The following DMAC2L variants were observed in gnomAD, a reference collection of about 807,000 sequenced individuals.
DMAC2L encodes the protein distal membrane arm assembly component 2 like.
In DMAC2L, 21 loss-of-function variants were observed where a neutral mutation model predicts 22.5. The ratio of observed to expected loss-of-function variants is 0.93; its 90% CI spans 0.66 to 1.34. DMAC2L has a LOEUF of 1.34. Ranked by LOEUF, DMAC2L falls within the 40% of genes most tolerant of loss-of-function variation. The probability of loss-of-function intolerance (pLI) is 0.00; values close to 1 mark genes in which losing one functional copy is unlikely to be tolerated. For missense variants in DMAC2L, 239 were observed against 246.5 expected, an observed-to-expected ratio of 0.97 and a Z score of 0.20; for synonymous variants, 86 against 89.5, an observed-to-expected ratio of 0.96 and a Z score of 0.22.
chr14:50,319,013 T>C, intron 2 of DMAC2L: 2 of 985,378 alleles, frequency 2.0e-6, no homozygotes, highest in Non-Finnish European at 2.4e-6. Flanking sequence ...ATAAACATTT[T>C]TTGAGCGAAT....
chr14:50,322,525 G>A lies in DMAC2L; in HGVS notation c.122G>A (p.Arg41His), dbSNP rs755906483. ...NAVFNKVDYD[R>H]IRDVGPDRAA... The stretch of plus-strand genomic sequence containing the variant: ...CTTGCCAACAGGGTGGATTATGATC[G>A]CATCAGGGATGTTGGCCCTGACAGG... Residue 41 changes from arginine to histidine, a missense_variant, in exon 4 of 6, where the codon CGC becomes CAC. Physicochemically the swap from Arg to His is conservative, Grantham distance 29. Coordinates refer to ENST00000557421, the MANE Select transcript of DMAC2L (RefSeq NM_001382507.1). The A allele has an allele frequency of 9.4e-6, 15 of 1,601,980 alleles. No homozygotes were observed. Among genetic ancestry groups the A allele is most frequent in the Non-Finnish European group, 1.2e-5 (14 of 1,170,384 alleles).
In DMAC2L at chr14:50,326,618, A is replaced by C; in HGVS notation, c.*895A>C. 1.0e-6 allele frequency: 1 copy of C among 985,456 alleles called. No individual in the cohort carries two copies. Among genetic ancestry groups the C allele is most frequent in the Non-Finnish European group, 1.2e-6 (1 of 829,930 alleles). The allele number at this position is 985,456 out of a possible 1,614,324, so 61.0% of individuals were successfully genotyped here. A position where few individuals can be genotyped will look rare whatever the true frequency, so the allele number is the denominator to read the frequency against. ...TGCTGCTTAATTTGTCTATTTTGTA[A>C]GCTTAGGCTACTATTTTATTAAAAC... On this transcript the variant is annotated 3_prime_UTR_variant, in exon 6 of 6. Coordinates refer to ENST00000557421, the MANE Select transcript of DMAC2L (RefSeq NM_001382507.1).
chr14:50,315,769 C>T (rs545141780), intron 2 of DMAC2L, among the ~76,000 whole-genome samples: 18 of 149,860 alleles, frequency 1.2e-4, no homozygotes, highest in Admixed American at 4.0e-4. Context: ...AGTATTCCAT[C>T]ATATATATAT....
intron 2 of DMAC2L, among the ~76,000 whole-genome samples, chr14:50,320,322 G>A (rs897996330): frequency 9.9e-5 from 15 of 151,830 alleles, no homozygotes; most frequent in Admixed American, 2.0e-4. Context: ...TGTTAGCCAG[G>A]ATCGTCTCGA....
At chr14:50,320,508 G>T (rs867094282) in intron 2 of DMAC2L, among the ~76,000 whole-genome samples, 7 of 152,158 alleles carry the variant, frequency 4.6e-5, no homozygotes, top group South Asian at 4.1e-4. Flanking sequence ...ACTCACATGT[G>T]CTAGTGAAAC....
At chr14:50,312,186 G>A (rs1318686105), upstream of DMAC2L, 12 of 1,605,546 alleles carry the variant, frequency 7.5e-6, no homozygotes, top group African/African-American at 6.7e-5. Context: ...GCGCTCAGAA[G>A]AAGCCACTTG....
chr14:50,313,277 GA>G (rs879511703), intron 1 of DMAC2L, among the ~76,000 whole-genome samples: 35 of 152,190 alleles, frequency 2.3e-4, no homozygotes, highest in Non-Finnish European at 7.3e-5. Flanking sequence ...GTGCCTCTAA[GA>G]ATCTTGGTTC....
chr14:50,314,875 C>G (rs1254102416), intron 2 of DMAC2L, among the ~76,000 whole-genome samples: 1 of 152,136 alleles, frequency 6.6e-6, no homozygotes, highest in Admixed American at 6.5e-5. Context: ...CTCCTGACCT[C>G]AAGTGATCTG....
rs1364324333 is a variant in DMAC2L, at chr14:50,319,403, C to G, written c.-5-2080C>G. On this transcript the variant is annotated intron_variant, in intron 2 of 5. Coordinates refer to ENST00000557421, the MANE Select transcript of DMAC2L (RefSeq NM_001382507.1). ...AGGTGTTTCCCTCTCAGGCATCTTT[C>G]TAGTCCTCTTCTTTCTCTTGAATTC... 2.2e-5 allele frequency: 33 copies of G among 1,470,112 alleles called. No homozygotes were observed. In the East Asian group the frequency reaches 2.7e-4, roughly 12 times the overall value. 91.1% of individuals were successfully genotyped at this position (1,470,112 alleles called of 1,614,324 possible).
In DMAC2L at chr14:50,323,989, T is replaced by C; in HGVS notation, c.361T>C (p.Tyr121His). 1.2e-6 allele frequency: 2 copies of C among 1,613,864 alleles called. No individual in the cohort carries two copies. The highest frequency in any genetic ancestry group is 1.7e-6 in the Non-Finnish European group (2 of 1,179,936). Residue 121 changes from tyrosine to histidine, a missense_variant, in exon 5 of 6, where the codon TAT becomes CAT. Physicochemically the swap from Tyr to His is moderately conservative, Grantham distance 83. Coordinates refer to ENST00000557421, the MANE Select transcript of DMAC2L (RefSeq NM_001382507.1). ...VEKIRLCKCH[Y>H]IEDDCLLRLS... ...AAAAATAAGGCTGTGCAAGTGTCATTATATCGAGGATGACTGTTTGCTGAG... is the reference window on the plus strand; with the variant it reads ...AAAAATAAGGCTGTGCAAGTGTCATCATATCGAGGATGACTGTTTGCTGAG...
chr14:50,312,080 G>A (rs1232119740), upstream of DMAC2L: 2 of 1,604,420 alleles, frequency 1.2e-6, no homozygotes, highest in African/African-American at 1.3e-5. Context: ...GCACGCCCCA[G>A]GGGAGCCACC....
In DMAC2L at chr14:50,322,497, T is replaced by TC. The variant is rs1371763518; in HGVS notation, c.108-13dup. The TC allele has an allele frequency of 5.1e-6, 8 of 1,580,756 alleles. No homozygotes were observed. The Admixed American group carries it at 5.4e-5, about 11-fold the overall frequency. The stretch of plus-strand genomic sequence containing the variant: ...TATTGTAAAAGCAAACTGCTTTTTT[T>TC]CTCTTGCCAACAGGGTGGATTATGA... On this transcript the variant is annotated splice_polypyrimidine_tract_variant and intron_variant, in intron 3 of 5. Transcript: ENST00000557421.
chr14:50,317,273 A>C (rs1371293781), intron 2 of DMAC2L, among the ~76,000 whole-genome samples: 1 of 152,118 alleles, frequency 6.6e-6, no homozygotes, highest in Admixed American at 6.5e-5. Flanking sequence ...TTATGTCATT[A>C]ATTTTGTATT....
At chr14:50,316,870 A>C (rs561198546) in intron 2 of DMAC2L, among the ~76,000 whole-genome samples, 65 of 152,208 alleles carry the variant, frequency 4.3e-4, no homozygotes, top group African/African-American at 1.5e-3. Context: ...TGCTTTGGCT[A>C]TGTGGGCTCT....
At chr14:50,318,990 T>C (rs2032045515) in intron 2 of DMAC2L, 1 of 980,896 alleles carries the variant, frequency 1.0e-6, no homozygotes, top group Non-Finnish European at 1.2e-6. Context: ...GCACTAAGTA[T>C]AGCAGACATT....
At chr14:50,321,901 A>G (rs1397093645) in intron 3 of DMAC2L, among the ~76,000 whole-genome samples, 1 of 152,108 alleles carries the variant, frequency 6.6e-6, no homozygotes, top group African/African-American at 2.4e-5. Flanking sequence ...AAAGTATTTT[A>G]TTTTTATGGC....
chr14:50,319,692 T>G (rs1366912406), intron 2 of DMAC2L, among the ~76,000 whole-genome samples: 1 of 152,234 alleles, frequency 6.6e-6, no homozygotes, highest in Non-Finnish European at 1.5e-5. Context: ...TGACCTCTGA[T>G]TCCAATGATT....
chr14:50,311,555 C>T (rs932959927), upstream of DMAC2L: 50 of 444,964 alleles, frequency 1.1e-4, no homozygotes, highest in Non-Finnish European at 2.7e-5. Flanking sequence ...CAACACTATG[C>T]GGGGTGTGCC....
intron 2 of DMAC2L, among the ~76,000 whole-genome samples, chr14:50,316,874 G>A (rs144446426): frequency 0.015 from 2,219 of 152,106 alleles, 53 homozygotes; most frequent in African/African-American, 0.051. Context: ...TTGGCTATGT[G>A]GGCTCTTTTT....
Sources: gnomAD v4.1 joint callset for allele counts (sites outside exome capture counted in the v4.1 genomes callset) on GRCh38, gnomAD v4.1.1 for gene constraint, MANE v1.5 for transcripts, NCBI Gene and HGNC (gene_info 2026-07-23, HGNC 2026-07-21) for gene names.